The following PRDM16 variants were observed in gnomAD, a reference collection of about 807,000 sequenced individuals.
PRDM16 encodes PR/SET domain 16, also known as histone-lysine N-methyltransferase PRDM16.
Under a neutral mutation model 110.6 loss-of-function variants are expected in PRDM16, and 23 were observed. That is an observed-to-expected ratio of 0.21 (90% CI 0.15 to 0.29). PRDM16 has a LOEUF of 0.29. Among genes scored for constraint, PRDM16 ranks in the 10% least tolerant of loss-of-function variants. The pLI, the probability that PRDM16 is intolerant of heterozygous loss-of-function variation, is 1.00. For synonymous variants in PRDM16, 799 were observed against 781.8 expected, an observed-to-expected ratio of 1.02 and a Z score of -0.37; for missense variants, 1,615 against 1,794.3, an observed-to-expected ratio of 0.90 and a Z score of 1.81.
chr1:3,380,117 G>A (rs1569624151), intron 3 of PRDM16, among the ~76,000 whole-genome samples: 2 of 147,106 alleles, frequency 1.4e-5, no homozygotes, highest in Non-Finnish European at 3.0e-5. Flanking sequence ...CCCTCCCCGT[G>A]CACCCTCTCC....
intron 2 of PRDM16, among the ~76,000 whole-genome samples, chr1:3,216,346 G>A (rs932785969): frequency 1.3e-5 from 2 of 152,176 alleles, no homozygotes; most frequent in African/African-American, 2.4e-5. Flanking sequence ...TCCATGCCAC[G>A]GGGCTGGGAA....
chr1:3,098,255 G>A (rs899606387), intron 1 of PRDM16, among the ~76,000 whole-genome samples: 1 of 152,158 alleles, frequency 6.6e-6, no homozygotes, highest in Non-Finnish European at 1.5e-5. Flanking sequence ...TCCTTCTCCC[G>A]GGCTGCACCC....
chr1:3,330,105 C>G (rs922116081), intron 3 of PRDM16, among the ~76,000 whole-genome samples: 2 of 152,228 alleles, frequency 1.3e-5, no homozygotes, highest in African/African-American at 4.8e-5. Flanking sequence ...TTAAGGATGC[C>G]TTTGAGACTT....
Position 3,139,799 on chromosome 1 carries a change from C to T in PRDM16, c.38-46326C>T, listed in dbSNP as rs987569268. Among the ~76,000 whole-genome samples the T allele has an allele frequency of 2.2e-4, 33 of 152,344 alleles. 1 individual carries two copies. The highest frequency in any genetic ancestry group is 3.4e-3 in the Middle Eastern group (1 of 294). ...TGCTCCCGTCAAAGGGAAGGAGCTC[C>T]AGGCTGAGAGTGGTTTGGTGGGGGT... On this transcript the variant is annotated intron_variant, in intron 1 of 16. Transcript: ENST00000270722.
chr1:3,079,081 C>G (rs1040685359), intron 1 of PRDM16, among the ~76,000 whole-genome samples: 2 of 152,246 alleles, frequency 1.3e-5, no homozygotes, highest in Non-Finnish European at 2.9e-5. Context: ...TGACTGTCTC[C>G]GACGGCTCCG....
At chr1:3,318,089 T>A (rs1641654177) in intron 3 of PRDM16, among the ~76,000 whole-genome samples, 1 of 152,202 alleles carries the variant, frequency 6.6e-6, no homozygotes, top group Non-Finnish European at 1.5e-5. Flanking sequence ...TCGGGGTAAT[T>A]GCAGTCATGA....
chr1:3,186,145 A>G lies in PRDM16; in HGVS notation c.58A>G (p.Asn20Asp). The change falls in exon 2 of 17, where the codon AAT (asparagine) becomes GAT (aspartate). Residue 20 changes from asparagine (N) to aspartate (D), a missense_variant. This residue lies in a region of PRDM16 where 416 missense variants were observed against 467.1 expected (regional missense o/e 0.89). Transcript: ENST00000270722. ...TTTAGGTGACGGTGACGTTGTAAATAATATGTATGAGCCCAACCGGGACCT... is the reference window on the plus strand; with the variant it reads ...TTTAGGTGACGGTGACGTTGTAAATGATATGTATGAGCCCAACCGGGACCT... ...LAKSDGDVVNNMYEPNRDLLA... is the reference protein window; with the variant it reads ...LAKSDGDVVNDMYEPNRDLLA... The G allele has an allele frequency of 6.2e-7, 1 of 1,612,636 alleles. No homozygotes were observed. Among genetic ancestry groups the G allele is most frequent in the Non-Finnish European group, 8.5e-7 (1 of 1,179,836 alleles).
intron 15 of PRDM16, 76 bp from the exon 16 acceptor site, chr1:3,431,890 G>T: frequency 6.7e-7 from 1 of 1,499,478 alleles, no homozygotes; most frequent in Admixed American, 1.8e-5. Flanking sequence ...CCCGGAGCTG[G>T]GCTTGCAGCA....
chr1:3,135,627 G>A (rs571378744), intron 1 of PRDM16, among the ~76,000 whole-genome samples: 1 of 152,280 alleles, frequency 6.6e-6, no homozygotes, highest in African/African-American at 2.4e-5. Context: ...CGCCTGACGC[G>A]ACATCCCTGG....
Position 3,332,337 on chromosome 1 carries a change from C to T in PRDM16, c.439-52815C>T, listed in dbSNP as rs1413691185. On this transcript the variant is annotated intron_variant, in intron 3 of 16. Coordinates refer to ENST00000270722, the MANE Select transcript of PRDM16 (RefSeq NM_022114.4). ...CAATTAGGCAGCCCTGTTGTTACAG[C>T]GGGAGCTGGATTAGGCGAGTAATCC... is the stretch of plus-strand genomic sequence containing the variant. 5.0e-5 allele frequency among the ~76,000 whole-genome samples: 7 copies of T among 140,010 alleles called. No individual in the cohort carries two copies. In the South Asian group the frequency reaches 1.0e-3, roughly 20 times the overall value. The allele number at this position is 140,010 out of a possible 152,430, so 91.9% of individuals were successfully genotyped here. A position where few individuals can be genotyped will look rare whatever the true frequency, so the allele number is the denominator to read the frequency against.
At chr1:3,321,529 T>TGTGTGTGAGA (rs1641745664) in intron 3 of PRDM16, among the ~76,000 whole-genome samples, 1 of 147,332 alleles carries the variant, frequency 6.8e-6, no homozygotes, top group African/African-American at 2.7e-5. Flanking sequence ...GGGGTGCATG[T>TGTGTGTGAGA]GTGTGTGTAT....
At chr1:3,367,536 G>A (rs748202958) in intron 3 of PRDM16, among the ~76,000 whole-genome samples, 17 of 152,210 alleles carry the variant, frequency 1.1e-4, no homozygotes, top group South Asian at 6.2e-4. Context: ...CTTTTGGGGA[G>A]TGGCTGGAAT....
chr1:3,216,409 G>A (rs1362991241), intron 2 of PRDM16, among the ~76,000 whole-genome samples: 8 of 152,220 alleles, frequency 5.3e-5, no homozygotes, highest in Admixed American at 4.6e-4. Flanking sequence ...TGCTCCTGCA[G>A]GCCCCTGAGC....
intron 1 of PRDM16, among the ~76,000 whole-genome samples, chr1:3,129,149 C>A (rs573109225): frequency 7.1e-6 from 1 of 141,590 alleles, no homozygotes; most frequent in African/African-American, 2.7e-5. Context: ...TCCTGCCTGG[C>A]GTGCGTGTGT....
chr1:3,420,674 C>T (rs765326866), intron 12 of PRDM16, among the ~76,000 whole-genome samples: 1 of 152,080 alleles, frequency 6.6e-6, no homozygotes, highest in Non-Finnish European at 1.5e-5. Flanking sequence ...GTAACTTGGC[C>T]CCTAGCTTCT....
chr1:3,179,807 G>T (rs532990741), intron 1 of PRDM16, among the ~76,000 whole-genome samples: 1 of 152,198 alleles, frequency 6.6e-6, no homozygotes, highest in Non-Finnish European at 1.5e-5. Context: ...GAGTGATCTC[G>T]TACAAGCTTT....
intron 3 of PRDM16, among the ~76,000 whole-genome samples, chr1:3,251,453 G>A (rs543471816): frequency 1.3e-5 from 2 of 152,292 alleles, no homozygotes; most frequent in East Asian, 3.9e-4. Flanking sequence ...ACTAGGTGTG[G>A]GAACGAGGGA....
rs1348297158 is a variant in PRDM16 at position 3,244,526 on chromosome 1, T to C, written c.438+389T>C. Among the ~76,000 whole-genome samples the C allele has an allele frequency of 1.3e-5, 2 of 152,144 alleles. No homozygotes were observed. The highest frequency in any genetic ancestry group is 6.5e-5 in the Admixed American group (1 of 15,284). The stretch of plus-strand genomic sequence containing the variant: ...TCATGAAAAGAATATGGGGAAGAAT[T>C]GGCTGCAGATTCAACAAAGCCTTTG... On this transcript the variant is annotated intron_variant, in intron 3 of 16. Coordinates refer to ENST00000270722, the MANE Select transcript of PRDM16 (RefSeq NM_022114.4). This position sits in a 1 kb window ranked among gnomAD's most constrained non-coding sequence, Gnocchi z 4.1.
chr1:3,424,131 G>A (rs1310312157), intron 12 of PRDM16, among the ~76,000 whole-genome samples: 1 of 152,194 alleles, frequency 6.6e-6, no homozygotes, highest in African/African-American at 2.4e-5. Context: ...CCCCAGGGAG[G>A]AGGCTGTCTT....
Sources: gnomAD v4.1 joint callset for allele counts (sites outside exome capture counted in the v4.1 genomes callset) on GRCh38, gnomAD v4.1.1 for gene constraint, gnomAD v4.1.1 regional missense constraint, Gnocchi (gnomAD v3.1) non-coding constraint, MANE v1.5 for transcripts, NCBI Gene and HGNC (gene_info 2026-07-23, HGNC 2026-07-21) for gene names.